Variants in PDE2A observed in about 807,000 individuals in gnomAD.
The protein encoded by PDE2A is phosphodiesterase 2A.
PDE2A carries 53 observed loss-of-function variants against 133.6 expected under a neutral mutation model. That is an observed-to-expected ratio of 0.40 (90% confidence interval 0.32 to 0.50). PDE2A has a LOEUF of 0.50. Among genes scored for constraint, PDE2A ranks in the 20% least tolerant of loss-of-function variants. The pLI, the probability that PDE2A is intolerant of heterozygous loss-of-function variation, is 0.73. For missense variants in PDE2A, 796 were observed against 1,232.4 expected (o/e 0.65, Z 5.30); for synonymous variants, 491 against 490.2 (o/e 1.00, Z -0.02).
chr11:72,604,995 C>T (rs559061731), intron 4 of PDE2A, 143 bp downstream of exon 4: 97 of 527,236 alleles, frequency 1.8e-4, no homozygotes, highest in African/African-American at 1.6e-3. Flanking sequence ...GAGTCAGCAA[C>T]CTGGCCAAGG....
At chr11:72,600,302 T>C (rs942256478) in intron 4 of PDE2A, among the ~76,000 whole-genome samples, 22 of 152,108 alleles carry the variant, frequency 1.4e-4, no homozygotes, top group Non-Finnish European at 3.1e-4. Context: ...GGTCCTATCA[T>C]CTTAGTGGCC....
intron 4 of PDE2A, among the ~76,000 whole-genome samples, chr11:72,603,313 A>C (rs1856837635): frequency 6.6e-6 from 1 of 152,116 alleles, no homozygotes; most frequent in African/African-American, 2.4e-5. Context: ...TTTTTTCCAA[A>C]GGCCTTACTG....
intron 2 of PDE2A, among the ~76,000 whole-genome samples, chr11:72,638,397 GAC>G (rs1283607781): frequency 6.6e-6 from 1 of 152,210 alleles, no homozygotes; most frequent in Non-Finnish European, 1.5e-5. Context: ...CCCAGCTCAG[GAC>G]ACACACGGTG....
chr11:72,646,096 G>A (rs144294269), intron 1 of PDE2A, among the ~76,000 whole-genome samples: 17 of 152,262 alleles, frequency 1.1e-4, no homozygotes, highest in Non-Finnish European at 2.4e-4. Context: ...TGCCCATCTC[G>A]GACACCAGGA....
intron 1 of PDE2A, among the ~76,000 whole-genome samples, chr11:72,647,269 C>T (rs1197153211): frequency 1.3e-5 from 2 of 152,214 alleles, no homozygotes; most frequent in Non-Finnish European, 2.9e-5. Context: ...ATGGTTACAC[C>T]CCCACCTGGA....
intron 2 of PDE2A, among the ~76,000 whole-genome samples, chr11:72,611,521 C>T (rs1398037111): frequency 6.6e-6 from 1 of 152,166 alleles, no homozygotes; most frequent in Non-Finnish European, 1.5e-5. Flanking sequence ...CTGACCTTTG[C>T]TCTGATTGTT....
In PDE2A at chr11:72,578,300, G is replaced by T; in HGVS notation, c.2548C>A (p.Arg850=). 6.2e-7 allele frequency: 1 copy of T among 1,613,880 alleles called. No homozygotes were observed. The highest frequency in any genetic ancestry group is 8.5e-7 in the Non-Finnish European group (1 of 1,179,884). The change falls in exon 30 of 31, where the codon CGG becomes AGG. Residue 850 remains arginine (R), a synonymous_variant. Coordinates refer to ENST00000334456, the MANE Select transcript of PDE2A (RefSeq NM_002599.5). This position sits in a 1 kb window ranked among gnomAD's most constrained non-coding sequence, Gnocchi z 4.2. ...MGNRPMEMMD[R]EKAYIPELQI... The stretch of plus-strand genomic sequence containing the variant: ...AGCTCAGGGATATAGGCCTTCTCCC[G>T]GTCCATCATCTCCATCGGCCTGTTG...
intron 2 of PDE2A, among the ~76,000 whole-genome samples, chr11:72,640,289 G>C (rs922609203): frequency 2.6e-5 from 4 of 151,568 alleles, no homozygotes; most frequent in Non-Finnish European, 5.9e-5. Context: ...AACCTGCATA[G>C]ATAATGTGCA....
At chr11:72,625,786 C>A (rs1404204554) in intron 2 of PDE2A, among the ~76,000 whole-genome samples, 14 of 152,232 alleles carry the variant, frequency 9.2e-5, no homozygotes, top group Admixed American at 8.5e-4. Context: ...CAGACTCCCC[C>A]CAGCAAGGGC....
At chr11:72,652,630 A>T in intron 1 of PDE2A, 1 of 456,296 alleles carries the variant, frequency 2.2e-6, no homozygotes, top group Non-Finnish European at 4.4e-6. Context: ...TAAGTGCCAG[A>T]TCTATTCTCT....
intron 2 of PDE2A, among the ~76,000 whole-genome samples, chr11:72,641,160 G>A (rs1057025343): frequency 1.4e-4 from 22 of 152,194 alleles, no homozygotes; most frequent in Middle Eastern, 3.4e-3. Context: ...AGCCCTAGCC[G>A]CCCCCGTCAA....
At chr11:72,577,758 AAGTCAGG>A (rs3842265) in intron 30 of PDE2A, among the ~76,000 whole-genome samples, 164 bp from the exon 31 acceptor site, 53,392 of 151,660 alleles carry the variant, frequency 0.35, 9,698 homozygotes, top group African/African-American at 0.46. Context: ...GGATCACCTG[AAGTCAGG>A]AGTTCAAGAC....
At chr11:72,655,157 T>C (rs1183062023) in intron 1 of PDE2A, among the ~76,000 whole-genome samples, 2 of 152,312 alleles carry the variant, frequency 1.3e-5, no homozygotes, top group Admixed American at 1.3e-4. Context: ...ACACACACCC[T>C]GTACGCACTC....
chr11:72,583,753 C>G (rs1591017457), intron 19 of PDE2A, among the ~76,000 whole-genome samples: 1 of 152,120 alleles, frequency 6.6e-6, no homozygotes, highest in African/African-American at 2.4e-5. Flanking sequence ...TGCACTCCCC[C>G]ACACCTGATC....
chr11:72,622,327 G>A (rs1857813736), intron 2 of PDE2A, among the ~76,000 whole-genome samples: 3 of 152,216 alleles, frequency 2.0e-5, no homozygotes, highest in Non-Finnish European at 4.4e-5. Flanking sequence ...TAGAATGACT[G>A]TGTGATCCAG....
intron 1 of PDE2A, chr11:72,668,250 G>A (rs761177008): frequency 1.4e-6 from 1 of 717,688 alleles, no homozygotes; most frequent in South Asian, 1.5e-5. Context: ...CAGGAGCTCT[G>A]GAAGCAGACA....
intron 6 of PDE2A, among the ~76,000 whole-genome samples, chr11:72,594,800 A>G (rs1856397817): frequency 6.6e-6 from 1 of 151,996 alleles, no homozygotes; most frequent in South Asian, 2.1e-4. Context: ...AAGGCCCCAC[A>G]CAAATGCTTT....
intron 2 of PDE2A, among the ~76,000 whole-genome samples, chr11:72,631,771 A>T (rs912030084): frequency 6.6e-6 from 1 of 152,158 alleles, no homozygotes; most frequent in Non-Finnish European, 1.5e-5. Context: ...GACACAACAG[A>T]GACCTGCTCA....
At chr11:72,668,612 G>A (rs1422576625) in intron 1 of PDE2A, among the ~76,000 whole-genome samples, 1 of 152,260 alleles carries the variant, frequency 6.6e-6, no homozygotes, top group African/African-American at 2.4e-5. Flanking sequence ...GCAGCAGGGT[G>A]TGGATTTGGA....
Sources: allele counts gnomAD v4.1 joint callset (sites outside exome capture counted in the v4.1 genomes callset), GRCh38; gene constraint gnomAD v4.1.1; non-coding constraint Gnocchi (gnomAD v3.1); transcripts MANE v1.5; gene names NCBI Gene and HGNC (gene_info 2026-07-23, HGNC 2026-07-21).